COL17A1: variants seen among roughly 807,000 people sequenced by gnomAD.
COL17A1 encodes the protein collagen type XVII alpha 1 chain.
In COL17A1, 181 loss-of-function variants were observed where a neutral mutation model predicts 218.4. The observed-to-expected ratio is 0.83, with a 90% CI of 0.73 to 0.94. The LOEUF (loss-of-function observed/expected upper bound fraction) is 0.94. Ranked by LOEUF, COL17A1 falls within the 40% of genes least tolerant of loss-of-function variation. The pLI is 0.00. For missense variants in COL17A1, 1,924 were observed against 1,945.9 expected (o/e 0.99, Z 0.21); for synonymous variants, 721 against 731.0 (o/e 0.99, Z 0.22).
At chr10:104,034,880 G>C in intron 50 of COL17A1, 113 bp from the exon 51 acceptor site, 1 of 1,345,070 alleles carries the variant, frequency 7.4e-7, no homozygotes, top group Non-Finnish European at 1.0e-6. Flanking sequence ...ATGAGGCTGG[G>C]CCTCCCGGGT....
intron 15 of COL17A1, among the ~76,000 whole-genome samples, chr10:104,058,543 T>C (rs2086553032): frequency 6.6e-6 from 1 of 152,336 alleles, no homozygotes; most frequent in African/African-American, 2.4e-5. Flanking sequence ...GTTAAGGGAC[T>C]CTGAACACAA....
intron 35 of COL17A1, 77 bp downstream of exon 35, chr10:104,043,424 A>T (rs1334227318): frequency 1.5e-6 from 2 of 1,351,708 alleles, no homozygotes; most frequent in African/African-American, 1.4e-5. Context: ...GGGTTTCAGG[A>T]TCTGAAGAAA....
intron 45 of COL17A1, 56 bp downstream of exon 45, chr10:104,038,348 CAA>C: frequency 6.2e-7 from 1 of 1,610,484 alleles, no homozygotes; most frequent in Non-Finnish European, 8.5e-7. Flanking sequence ...AGCTCCCTTG[CAA>C]AGAGACTGTA....
chr10:104,043,670 G>C, intron 34 of COL17A1, 89 bp from the exon 35 acceptor site: 8 of 1,525,396 alleles, frequency 5.2e-6, no homozygotes, highest in Non-Finnish European at 7.2e-6. Flanking sequence ...GGGCAGCCTG[G>C]CATTTCTTCT....
rs2086730986 is a variant in COL17A1, at chr10:104,078,459, G to C, written c.97+83C>G. ...TGTTAAAAAAGATGTCAAAAATTTT[G>C]GAGCTCCCATGGAAAAGGTTACAGG... On this transcript the variant is annotated intron_variant, in intron 3 of 55. Coordinates refer to ENST00000648076, the MANE Select transcript of COL17A1 (RefSeq NM_000494.4). 4 of 1,579,586 alleles carry C rather than the reference G, an allele frequency of 2.5e-6. No homozygotes were observed. The South Asian group carries it at 4.5e-5, about 18-fold the overall frequency.
chr10:104,045,048 C>G (rs1302707005), intron 33 of COL17A1, among the ~76,000 whole-genome samples: 6 of 151,990 alleles, frequency 3.9e-5, no homozygotes, highest in Admixed American at 3.3e-4. Flanking sequence ...CATAGAATGT[C>G]AAAGTTCAGG....
intron 15 of COL17A1, chr10:104,059,399 G>C (rs1319881493): frequency 1.6e-5 from 9 of 578,864 alleles, no homozygotes; most frequent in Non-Finnish European, 2.5e-5. Flanking sequence ...AGACATGGCA[G>C]AGGCAGGCTT....
intron 45 of COL17A1, 127 bp downstream of exon 45, chr10:104,038,279 C>T (rs1052974778): frequency 1.7e-5 from 15 of 887,592 alleles, no homozygotes; most frequent in Non-Finnish European, 2.3e-5. Context: ...CACACACACA[C>T]ACTCCCACTG....
At chr10:104,076,474 G>T in intron 4 of COL17A1, 45 bp from the exon 5 acceptor site, 1 of 1,612,542 alleles carries the variant, frequency 6.2e-7, no homozygotes, top group Non-Finnish European at 8.5e-7. Flanking sequence ...TCAGCAGAGA[G>T]GTGAACCAAA....
At position 104,077,473 on chromosome 10, in the gene COL17A1, G is replaced by T. The variant is rs371548263; in HGVS notation, c.151C>A (p.Arg51=). ...TGAGTCAGGCTTTGTTTCTCCAGCC[G>T]GCTCCCTCCACCAAGAGAGGCTGTT... is the stretch of plus-strand genomic sequence containing the variant. ...AKTASLGGGS[R]LEKQSLTHGS... is the part of the protein sequence containing the mutation. Residue 51 remains arginine (R), a synonymous_variant, in exon 4 of 56, where the codon CGG becomes AGG. Coordinates refer to ENST00000648076, the MANE Select transcript of COL17A1 (RefSeq NM_000494.4). The T allele has an allele frequency of 1.9e-6, 3 of 1,613,420 alleles. No individual in the cohort carries two copies. The Admixed American group carries it at 5.0e-5, about 27-fold the overall frequency.
At chr10:104,034,567 G>A in intron 51 of COL17A1, 54 bp downstream of exon 51, 2 of 1,587,474 alleles carry the variant, frequency 1.3e-6, no homozygotes, top group Non-Finnish European at 1.7e-6. Flanking sequence ...CCACTTACAG[G>A]GAAAAGCAAG....
rs2086369104 is a variant in COL17A1 at position 104,042,426 on chromosome 10, G to A, written c.2545C>T (p.His849Tyr). Residue 849 changes from histidine (H) to tyrosine (Y), a missense_variant, in exon 36 of 56, where the codon CAT becomes TAT. Coordinates refer to ENST00000648076, the MANE Select transcript of COL17A1 (RefSeq NM_000494.4). ...GPAGPAGLPG[H>Y]QEVLNLQGPP... The stretch of plus-strand genomic sequence containing the variant: ...CTTGCAGGGTGTGACATACCTTGAT[G>A]TCCTGGGAGACCAGCTGGGCCGGCA... 3 of 1,614,104 alleles carry A rather than the reference G, an allele frequency of 1.9e-6. No individual in the cohort carries two copies. Among genetic ancestry groups the A allele is most frequent in the Non-Finnish European group, 1.7e-6 (2 of 1,180,046 alleles).
chr10:104,041,252 C>A (rs1233565868), intron 38 of COL17A1, 51 bp downstream of exon 38: 3 of 1,600,234 alleles, frequency 1.9e-6, no homozygotes, highest in African/African-American at 2.7e-5. Context: ...CCCATTGCTA[C>A]CCACCTCTCA....
chr10:104,068,458 C>T (rs899414313), intron 9 of COL17A1, among the ~76,000 whole-genome samples: 2 of 152,156 alleles, frequency 1.3e-5, no homozygotes, highest in African/African-American at 4.8e-5. Context: ...AACAAATAAT[C>T]CTTATGTGAA....
At chr10:104,082,477 C>T (rs2086773593) in intron 1 of COL17A1, among the ~76,000 whole-genome samples, 1 of 152,118 alleles carries the variant, frequency 6.6e-6, no homozygotes, top group Non-Finnish European at 1.5e-5. Flanking sequence ...GAGATTAAAC[C>T]TTTAAATGCG....
At position 104,072,182 on chromosome 10, in the gene COL17A1, C is replaced by A. The variant is rs895225394; in HGVS notation, c.416-103G>T. ...CAGATGGCCCTTTAGGCTGCTCTGA[C>A]ATTTCTGAGCTCTGGAAACAGGAAA... is the stretch of plus-strand genomic sequence containing the variant. On this transcript the variant is annotated intron_variant, in intron 7 of 55. Coordinates refer to ENST00000648076, the MANE Select transcript of COL17A1 (RefSeq NM_000494.4). The A allele has an allele frequency of 2.3e-5, 35 of 1,518,814 alleles. No homozygotes were observed. The African/African-American group carries it at 4.4e-4, about 19-fold the overall frequency. The allele number at this position is 1,518,814 out of a possible 1,614,324, so 94.1% of individuals were successfully genotyped here.
intron 2 of COL17A1, among the ~76,000 whole-genome samples, chr10:104,079,380 T>A (rs1266574008): frequency 6.6e-6 from 1 of 152,142 alleles, no homozygotes; most frequent in Non-Finnish European, 1.5e-5. Context: ...TGTGTGTATG[T>A]GTGCATGTAT....
At chr10:104,077,336 T>C in intron 4 of COL17A1, 86 bp downstream of exon 4, 2 of 1,015,922 alleles carry the variant, frequency 2.0e-6, no homozygotes, top group Non-Finnish European at 3.0e-6. Flanking sequence ...AAATTGTGTC[T>C]GCCCTGTGTC....
chr10:104,038,445 C>T lies in COL17A1; in HGVS notation c.3031G>A (p.Gly1011Ser). Residue 1011 changes from glycine to serine, a missense_variant, in exon 45 of 56, where the codon GGC (glycine) becomes AGC (serine). Gly to Ser is a moderately conservative substitution (Grantham distance 56). Coordinates refer to ENST00000648076, the MANE Select transcript of COL17A1 (RefSeq NM_000494.4). ...PGPPGSISSS[G>S]QEIQQYISEY... ...GAGATGTACTGCTGAATCTCCTGGC[C>T]AGAGCTGCTGATAGAGCCCGGAGGC... 6.2e-7 allele frequency: 1 copy of T among 1,614,064 alleles called. No homozygotes were observed. Among genetic ancestry groups the T allele is most frequent in the Non-Finnish European group, 8.5e-7 (1 of 1,180,008 alleles).
Sources: allele counts gnomAD v4.1 joint callset (sites outside exome capture counted in the v4.1 genomes callset), GRCh38; gene constraint gnomAD v4.1.1; transcripts MANE v1.5; gene names NCBI Gene and HGNC (gene_info 2026-07-23, HGNC 2026-07-21).